The following DCAF8L2 variants were observed in gnomAD, a reference collection of about 807,000 sequenced individuals.
DCAF8L2 encodes DDB1 and CUL4 associated factor 8 like 2, also known as DDB1- and CUL4-associated factor 8-like protein 2.
For synonymous variants in DCAF8L2, 200 were observed against 190.9 expected (o/e 1.05, Z -0.39); for missense variants, 430 against 490.7 (o/e 0.88, Z 1.17).
Position 27,747,879 on chromosome X carries a change from T to A in DCAF8L2, c.984T>A (p.Pro328=), listed in dbSNP as rs1236143106. ...CTGCCCACAAGTTGGCTCTGGAGCC[T>A]GACTCTCCTTATAAGTTCCTCACTT... ...RGPAHKLALE[P]DSPYKFLTSG... is the part of the protein sequence containing the mutation. Residue 328 remains proline (P), a synonymous_variant, in exon 5 of 5, where the codon CCT becomes CCA. Coordinates refer to ENST00000451261, the MANE Select transcript of DCAF8L2 (RefSeq NM_001353450.2). 3 of 1,208,859 alleles carry A rather than the reference T, an allele frequency of 2.5e-6. No homozygotes were observed. Among genetic ancestry groups the A allele is most frequent in the Non-Finnish European group, 3.4e-6 (3 of 894,285 alleles).
At chrX:27,573,204 G>T in the DCAF8L2 span, among the ~76,000 whole-genome samples, 1 of 107,891 alleles carries the variant, frequency 9.3e-6, no homozygotes, top group African/African-American at 3.4e-5. Flanking sequence ...TTCTTAAGGT[G>T]TTAAAATAAA....
intron 3 of DCAF8L2, among the ~76,000 whole-genome samples, chrX:27,690,725 G>A (rs951081164): frequency 2.2e-4 from 24 of 110,776 alleles, no homozygotes; most frequent in African/African-American, 5.6e-4. Flanking sequence ...TGTTTCTACC[G>A]TGCCCTTCAC....
intron 4 of DCAF8L2, among the ~76,000 whole-genome samples, chrX:27,734,941 G>T (rs1921436987): frequency 9.0e-6 from 1 of 111,353 alleles, no homozygotes; most frequent in Non-Finnish European, 1.9e-5. Flanking sequence ...TTTCTGTAAC[G>T]CACTAAATTA....
At chrX:27,704,309 T>C (rs112404189) in intron 3 of DCAF8L2, among the ~76,000 whole-genome samples, 4,551 of 106,613 alleles carry the variant, frequency 0.043, 290 homozygotes, top group African/African-American at 0.15. Context: ...TGTGTGTGTA[T>C]ATATATACAC....
the DCAF8L2 span, among the ~76,000 whole-genome samples, chrX:27,472,331 A>C: frequency 8.9e-6 from 1 of 111,870 alleles, no homozygotes; most frequent in Non-Finnish European, 1.9e-5. Flanking sequence ...AAGTGCTTCT[A>C]CTTCATGATC....
chrX:27,519,150 A>C, the DCAF8L2 span: 1 of 1,149,434 alleles, frequency 8.7e-7, no homozygotes, highest in Middle Eastern at 3.3e-4. Flanking sequence ...AAAGAGAAAT[A>C]GCAGAAAAGG....
At chrX:27,549,888 A>G in the DCAF8L2 span, among the ~76,000 whole-genome samples, 1 of 111,502 alleles carries the variant, frequency 9.0e-6, no homozygotes, top group African/African-American at 3.3e-5. Flanking sequence ...GAGTCCTCCC[A>G]TGGGGCAGCC....
At chrX:27,696,274 GAAAGAAAGAAA>G (rs1569184479) in intron 3 of DCAF8L2, among the ~76,000 whole-genome samples, 332 of 24,951 alleles carry the variant, frequency 0.013, no homozygotes, top group Middle Eastern at 0.038. Context: ...GAGAGAGAAA[GAAAGAAAGAAA>G]GAAAGAAAGA....
chrX:27,562,896 G>A, the DCAF8L2 span, among the ~76,000 whole-genome samples: 2 of 111,867 alleles, frequency 1.8e-5, no homozygotes, highest in Non-Finnish European at 3.8e-5. Context: ...TAAAATCTGG[G>A]TGTCTCATCA....
At chrX:27,514,253 A>G in the DCAF8L2 span, among the ~76,000 whole-genome samples, 1 of 39,511 alleles carries the variant, frequency 2.5e-5, no homozygotes. Flanking sequence ...ACATATGTAC[A>G]TATATGTGTG....
chrX:27,613,547 C>T (rs1328678485), intron 1 of DCAF8L2, among the ~76,000 whole-genome samples: 1 of 111,268 alleles, frequency 9.0e-6, no homozygotes, highest in African/African-American at 3.3e-5. Flanking sequence ...AAAGGGAATG[C>T]TTCCAGTTTT....
intron 2 of DCAF8L2, among the ~76,000 whole-genome samples, chrX:27,642,128 C>CA (rs1412304001): frequency 9.4e-6 from 1 of 106,588 alleles, no homozygotes; most frequent in African/African-American, 3.4e-5. Flanking sequence ...CTCCTGACCT[C>CA]GTGATCCGCC....
the DCAF8L2 span, among the ~76,000 whole-genome samples, chrX:27,543,699 T>C: frequency 8.1e-5 from 9 of 110,797 alleles, no homozygotes; most frequent in African/African-American, 3.0e-4. Flanking sequence ...TATTTTTAGG[T>C]TTTATGACTG....
chrX:27,686,411 T>G (rs1930509413), intron 3 of DCAF8L2, among the ~76,000 whole-genome samples: 1 of 110,541 alleles, frequency 9.0e-6, no homozygotes, highest in East Asian at 2.9e-4. Flanking sequence ...ATAAAAAAAA[T>G]AAAATCCTTT....
rs186222436 is a variant in DCAF8L2 at position 27,647,410 on chromosome X, G to A, written c.-220+15410G>A. Among the ~76,000 whole-genome samples the A allele has an allele frequency of 7.9e-3, 873 of 111,005 alleles. 4 individuals are homozygous for A. Among genetic ancestry groups the A allele is most frequent in the Non-Finnish European group, 0.013 (694 of 53,024 alleles). On this transcript the variant is annotated intron_variant, in intron 2 of 4. Coordinates refer to ENST00000451261, the MANE Select transcript of DCAF8L2 (RefSeq NM_001353450.2). ...ACAACACACACTGGCACTTGTCGGG[G>A]AAGAGTGGAGGTGGGGAGAGCATTA... is the stretch of plus-strand genomic sequence containing the variant.
At chrX:27,710,505 CT>C (rs1270419597) in intron 3 of DCAF8L2, among the ~76,000 whole-genome samples, 4 of 111,235 alleles carry the variant, frequency 3.6e-5, no homozygotes, top group African/African-American at 6.5e-5. Flanking sequence ...TCTTTCGTGT[CT>C]TTTGTTAAAT....
the DCAF8L2 span, among the ~76,000 whole-genome samples, chrX:27,488,272 T>TTC: frequency 9.0e-6 from 1 of 111,303 alleles, no homozygotes; most frequent in African/African-American, 3.3e-5. Context: ...TTCATATTCT[T>TTC]ATTTCCCATT....
chrX:27,571,717 C>A, the DCAF8L2 span, among the ~76,000 whole-genome samples: 1 of 111,256 alleles, frequency 9.0e-6, no homozygotes. Flanking sequence ...AGGGAAGTAG[C>A]AATTACCACC....
In DCAF8L2 at chrX:27,747,986, A is replaced by G. The variant is rs1363768259; in HGVS notation, c.1091A>G (p.Asp364Gly). The G allele has an allele frequency of 4.1e-6, 5 of 1,211,843 alleles. No homozygotes were observed. Among genetic ancestry groups the G allele is most frequent in the Admixed American group, 2.2e-5 (1 of 46,061 alleles). Reference sequence around the variant, plus strand: ...AAAGTTGTGGTAACAAGAGAAAATGATAAGAAAGTGGGACTGTATACAATT... The same window carrying G: ...AAAGTTGTGGTAACAAGAGAAAATGGTAAGAAAGTGGGACTGTATACAATT... ...ASKVVVTREN[D>G]KKVGLYTITV... The change falls in exon 5 of 5, where the codon GAT (aspartate) becomes GGT (glycine). Residue 364 changes from aspartate (D) to glycine (G), a missense_variant. By Grantham distance (94) the Asp-to-Gly change is moderately conservative. Coordinates refer to ENST00000451261, the MANE Select transcript of DCAF8L2 (RefSeq NM_001353450.2).
Sources: allele counts gnomAD v4.1 joint callset (sites outside exome capture counted in the v4.1 genomes callset), GRCh38; gene constraint gnomAD v4.1.1; transcripts MANE v1.5; gene names NCBI Gene and HGNC (gene_info 2026-07-23, HGNC 2026-07-21).